Variants in MUC12 observed in about 807,000 individuals in gnomAD.
MUC12 encodes the protein mucin-12.
A neutral mutation model predicts 230.8 loss-of-function variants in MUC12; 172 were observed. The ratio of observed to expected loss-of-function variants is 0.75; its 90% CI spans 0.66 to 0.85. The LOEUF (loss-of-function observed/expected upper bound fraction) is 0.85. Ranked by LOEUF, MUC12 falls within the 40% of genes least tolerant of loss-of-function variation. The probability of loss-of-function intolerance (pLI) is 0.00; values close to 1 mark genes in which losing one functional copy is unlikely to be tolerated. For synonymous variants in MUC12, 1,259 were observed against 2,401.9 expected, an observed-to-expected ratio of 0.52 and a Z score of 13.91; for missense variants, 3,506 against 5,920.6, an observed-to-expected ratio of 0.59 and a Z score of 13.38.
Position 100,990,827 on chromosome 7 carries a change from A to T in MUC12, c.264A>T (p.Pro88=). 6.5e-7 allele frequency: 1 copy of T among 1,537,844 alleles called. No individual in the cohort carries two copies. The highest frequency in any genetic ancestry group is 2.0e-5 in the Admixed American group (1 of 50,998). The stretch of plus-strand genomic sequence containing the variant: ...AATCAACAGTATCCCACAGCGGCCC[A>T]GGTGCAACTGGAACAACACTCTTCC... The part of the protein sequence containing the change: ...SEESTVSHSG[P]GATGTTLFPS... Residue 88 remains proline (P), a synonymous_variant, in exon 2 of 12, where the codon CCA becomes CCT. Transcript: ENST00000536621.
intron 1 of MUC12, among the ~76,000 whole-genome samples, chr7:100,973,414 C>A (rs189783743): frequency 2.1e-4 from 1 of 4,700 alleles, no homozygotes. Context: ...TAGGATGGGT[C>A]CAGTGCCATT....
At position 100,990,660 on chromosome 7, in the gene MUC12, A is replaced by G. The variant is rs1208662718; in HGVS notation, c.97A>G (p.Asn33Asp). 4 of 1,537,588 alleles carry G rather than the reference A, an allele frequency of 2.6e-6. No homozygotes were observed. In the South Asian group the frequency reaches 4.8e-5, roughly 18 times the overall value. The change falls in exon 2 of 12, where the codon AAT (asparagine) becomes GAT (aspartate). Residue 33 changes from asparagine (N) to aspartate (D), a missense_variant. Asn to Asp is a conservative substitution (Grantham distance 23). Transcript: ENST00000536621. ...AACAGTAAACACCAGTATTGGAGGT[A>G]ATACAACTTCTGCATCCACACCCAG... Reference protein sequence around the residue: ...GSTVNTSIGGNTTSASTPSSS... With the variant: ...GSTVNTSIGGDTTSASTPSSS...
Position 101,018,745 on chromosome 7 carries a change from G to C in MUC12, c.*109G>C. On this transcript the variant is annotated 3_prime_UTR_variant, in exon 12 of 12. Transcript: ENST00000536621. ...CAAGAGGAGACCGAAGTCAGGCCCT[G>C]AAGCCGGTCCTGCTCTGAGCTGACA... The C allele has an allele frequency of 8.5e-7, 1 of 1,169,840 alleles. No homozygotes were observed. The highest frequency in any genetic ancestry group is 1.2e-6 in the Non-Finnish European group (1 of 848,356). The allele number at this position is 1,169,840 out of a possible 1,614,324, so 72.5% of individuals were successfully genotyped here.
At chr7:101,009,032 A>C in intron 4 of MUC12, 63 bp from the exon 5 acceptor site, 1 of 1,513,178 alleles carries the variant, frequency 6.6e-7, no homozygotes, top group South Asian at 1.2e-5. Flanking sequence ...TGCCTCAAGA[A>C]GGGTAACAGG....
intron 1 of MUC12, among the ~76,000 whole-genome samples, chr7:100,973,568 T>TG (rs1334844001): frequency 8.3e-6 from 1 of 119,890 alleles, no homozygotes; most frequent in Non-Finnish European, 1.8e-5. Flanking sequence ...TTTTAAGAGA[T>TG]GGGGGTCTTG....
rs1226173129 is a variant in MUC12, at chr7:100,993,898, C to T, written c.3335C>T (p.Thr1112Ile). 6.7e-7 allele frequency: 1 copy of T among 1,483,356 alleles called. No individual in the cohort carries two copies. The highest frequency in any genetic ancestry group is 8.9e-7 in the Non-Finnish European group (1 of 1,119,078). 91.9% of individuals were successfully genotyped at this position (1,483,356 alleles called of 1,614,324 possible). A position where few individuals can be genotyped will look rare whatever the true frequency, so the allele number is the denominator to read the frequency against. ...TTCTACAGCAGCCCCAGATCACCAA[C>T]CACAACACTCTCACCTGCCAGCATG... ...TTFYSSPRSP[T>I]TTLSPASMTS... Residue 1112 changes from threonine to isoleucine, a missense_variant, in exon 2 of 12, where the codon ACC (threonine) becomes ATC (isoleucine). By Grantham distance (89) the Thr-to-Ile change is moderately conservative. Transcript: ENST00000536621.
At chr7:100,984,911 C>G (rs554691926) in intron 1 of MUC12, among the ~76,000 whole-genome samples, 1 of 152,268 alleles carries the variant, frequency 6.6e-6, no homozygotes, top group South Asian at 2.1e-4. Context: ...GTTGCTCAGG[C>G]TGGAGTGCAG....
chr7:100,972,014 C>T (rs976914133), intron 1 of MUC12: 11 of 700,796 alleles, frequency 1.6e-5, no homozygotes, highest in Non-Finnish European at 2.9e-5. Context: ...CTATCTATGG[C>T]CAGTGCAGAG....
intron 1 of MUC12, among the ~76,000 whole-genome samples, chr7:100,975,463 G>A (rs1032772637): frequency 6.6e-6 from 1 of 152,312 alleles, no homozygotes; most frequent in African/African-American, 2.4e-5. Flanking sequence ...CTCAAGTGAT[G>A]TAAAAATTGA....
chr7:100,971,625 G>T (rs1199546835), intron 1 of MUC12, among the ~76,000 whole-genome samples: 3 of 152,312 alleles, frequency 2.0e-5, no homozygotes. Context: ...GAGTTTCAAG[G>T]GCTGGAGTGA....
intron 1 of MUC12, among the ~76,000 whole-genome samples, chr7:100,984,371 C>T (rs1793156364): frequency 6.6e-6 from 1 of 151,682 alleles, no homozygotes; most frequent in Non-Finnish European, 1.5e-5. Flanking sequence ...ATTCTCCTGC[C>T]CCAGCCGCCC....
At chr7:101,008,293 A>AT in intron 3 of MUC12, among the ~76,000 whole-genome samples, 1 of 151,178 alleles carries the variant, frequency 6.6e-6, no homozygotes, top group South Asian at 2.1e-4. Flanking sequence ...TGCCTGGTTA[A>AT]TTTTTTTATT....
chr7:100,981,051 C>G (rs1443758084), intron 1 of MUC12, among the ~76,000 whole-genome samples: 1 of 152,204 alleles, frequency 6.6e-6, no homozygotes, highest in Non-Finnish European at 1.5e-5. Flanking sequence ...AGTCATCTAT[C>G]ATGATGGACG....
intron 1 of MUC12, among the ~76,000 whole-genome samples, chr7:100,978,385 G>A (rs1793062318): frequency 6.6e-6 from 1 of 152,166 alleles, no homozygotes; most frequent in Non-Finnish European, 1.5e-5. Flanking sequence ...AGAACTGGGG[G>A]ACCCCAGCTC....
chr7:101,004,244 T>C lies in MUC12; in HGVS notation c.13681T>C (p.Phe4561Leu). The stretch of plus-strand genomic sequence containing the variant: ...CCCGAGCTCAACTCCAACAACCCAC[T>C]TTTCTGCCAGCTCCACAACCTTGGG... ...SSPSSTPTTH[F>L]SASSTTLGRS... The change falls in exon 2 of 12, where the codon TTT becomes CTT. Residue 4561 changes from phenylalanine to leucine, a missense_variant. Transcript: ENST00000536621. The C allele has an allele frequency of 3.2e-6, 1 of 316,516 alleles. No individual in the cohort carries two copies. Among genetic ancestry groups the C allele is most frequent in the Non-Finnish European group, 4.7e-6 (1 of 213,716 alleles). The allele number at this position is 316,516 out of a possible 1,614,324, so 19.6% of individuals were successfully genotyped here.
At chr7:101,012,273 G>A in intron 5 of MUC12, 23 bp from the exon 6 acceptor site, 1 of 1,536,330 alleles carries the variant, frequency 6.5e-7, no homozygotes, top group Non-Finnish European at 8.7e-7. Flanking sequence ...ATGGGTAACT[G>A]ATGAAACGAT....
chr7:101,013,626 G>A (rs1023890852), intron 8 of MUC12, among the ~76,000 whole-genome samples: 4 of 152,166 alleles, frequency 2.6e-5, no homozygotes, highest in African/African-American at 9.7e-5. Flanking sequence ...CAGATGCTTA[G>A]AGATTAGGTG....
At chr7:100,990,547 C>T (rs1793263847) in intron 1 of MUC12, 84 bp from the exon 2 acceptor site, 28 of 1,491,322 alleles carry the variant, frequency 1.9e-5, no homozygotes, top group Non-Finnish European at 2.3e-5. Context: ...TCTTCCAGCC[C>T]GGATGTGTCA....
chr7:101,012,557 C>A, intron 6 of MUC12, 110 bp downstream of exon 6: 1 of 1,288,380 alleles, frequency 7.8e-7, no homozygotes, highest in Non-Finnish European at 1.1e-6. Flanking sequence ...ACTTCTGCCA[C>A]AGGAACCCAG....
Sources: gnomAD v4.1 joint callset for allele counts (sites outside exome capture counted in the v4.1 genomes callset) on GRCh38, gnomAD v4.1.1 for gene constraint, MANE v1.5 for transcripts, NCBI Gene and HGNC (gene_info 2026-07-23, HGNC 2026-07-21) for gene names.